The following MOV10 variants were observed in gnomAD, a reference collection of about 807,000 sequenced individuals.
MOV10 encodes Mov10 RNA helicase.
In MOV10, 39 loss-of-function variants were observed where a neutral mutation model predicts 108.4. The ratio of observed to expected loss-of-function variants is 0.36; its 90% CI spans 0.28 to 0.47. MOV10 has a LOEUF of 0.47. MOV10 is among the 20% of genes least tolerant of loss of function. The pLI is 1.00. For missense variants in MOV10, 952 were observed against 1,297.6 expected (o/e 0.73, Z 4.09); for synonymous variants, 490 against 523.1 (o/e 0.94, Z 0.86).
In MOV10 at chr1:112,689,100, ACAC is replaced by A. The variant is rs761415031; in HGVS notation, c.307_309del (p.His103del). ...TGAAGCTGGGGTCAGATATCAGCAAACACCACAAGTCACTGCTAGCCAAGATCT... is the reference window on the plus strand; with the variant it reads ...TGAAGCTGGGGTCAGATATCAGCAAACACAAGTCACTGCTAGCCAAGATCT... On this transcript the variant is annotated inframe_deletion, in exon 3 of 21. Coordinates refer to ENST00000369645, the MANE Select transcript of MOV10 (RefSeq NM_001321324.2). 4 of 1,611,328 alleles carry A rather than the reference ACAC, an allele frequency of 2.5e-6. No homozygotes were observed. The East Asian group carries it at 6.7e-5, about 27-fold the overall frequency.
chr1:112,691,123 A>C (rs1256182874), intron 5 of MOV10, among the ~76,000 whole-genome samples: 8 of 152,128 alleles, frequency 5.3e-5, no homozygotes, highest in South Asian at 4.2e-4. Flanking sequence ...TACTAAAAAT[A>C]CAAAAAAATT....
At position 112,675,352 on chromosome 1, in the gene MOV10, T is replaced by G. The variant is rs972005071; in HGVS notation, c.137+303T>G. On this transcript the variant is annotated intron_variant, in intron 2 of 20. Transcript: ENST00000369645. The surrounding 1 kb of genome is among the most constrained non-coding windows in gnomAD (Gnocchi z 4.7). ...GGCCGGGAGCTGCGTCCCGCGTCCA[T>G]GCGCCGCTCGCGGGGGCTGAGGGAC... Among the ~76,000 whole-genome samples the G allele has an allele frequency of 1.3e-5, 2 of 151,994 alleles. No individual in the cohort carries two copies. The highest frequency in any genetic ancestry group is 4.8e-5 in the African/African-American group (2 of 41,420).
rs768104788 is a variant in MOV10, at chr1:112,694,106, C to T, written c.1229C>T (p.Pro410Leu). The T allele has an allele frequency of 1.9e-6, 3 of 1,614,026 alleles. No homozygotes were observed. The highest frequency in any genetic ancestry group is 2.5e-6 in the Non-Finnish European group (3 of 1,179,974). ...LLSSETHQED[P>L]ITYKGFVHKV... ...TCCTCGGAGACACACCAGGAGGACC[C>T]CATCACATATAAGGGCTTTGTGCAC... The change falls in exon 8 of 21, where the codon CCC becomes CTC. Residue 410 changes from proline to leucine, a missense_variant. Around this residue, in one of 5 missense-constraint regions of MOV10, gnomAD observed 453 missense variants for 611.5 expected, o/e 0.74. Coordinates refer to ENST00000369645, the MANE Select transcript of MOV10 (RefSeq NM_001321324.2). The surrounding 1 kb of genome is among the most constrained non-coding windows in gnomAD (Gnocchi z 4.1).
Position 112,674,845 on chromosome 1 carries a change from C to T in MOV10, c.-65-3C>T. The T allele has an allele frequency of 2.7e-6, 4 of 1,485,486 alleles. No homozygotes were observed. Among genetic ancestry groups the T allele is most frequent in the Middle Eastern group, 4.1e-4 (2 of 4,890 alleles). The allele number at this position is 1,485,486 out of a possible 1,614,324, so 92.0% of individuals were successfully genotyped here. A position where few individuals can be genotyped will look rare whatever the true frequency, so the allele number is the denominator to read the frequency against. ...CCCTCATCTCAGGGCCGCCAACTTC[C>T]AGCTGCAGCGGCGACTTTCAGTTTC... On this transcript the variant is annotated splice_region_variant and splice_polypyrimidine_tract_variant and intron_variant, in intron 1 of 20. Coordinates refer to ENST00000369645, the MANE Select transcript of MOV10 (RefSeq NM_001321324.2).
Position 112,690,113 on chromosome 1 carries a change from C to T in MOV10, c.836+15C>T, listed in dbSNP as rs764279927. 2 of 1,610,414 alleles carry T rather than the reference C, an allele frequency of 1.2e-6. No individual in the cohort carries two copies. Among genetic ancestry groups the T allele is most frequent in the African/African-American group, 2.7e-5 (2 of 74,874 alleles). ...AGACCTGACCGGTAACTCCTCCCTC[C>T]AACTCAGCCCTGGCTGGGCTCGTAT... On this transcript the variant is annotated intron_variant, in intron 5 of 20. Coordinates refer to ENST00000369645, the MANE Select transcript of MOV10 (RefSeq NM_001321324.2).
chr1:112,685,037 A>C (rs992805117), intron 2 of MOV10: 1 of 152,038 alleles, frequency 6.6e-6, no homozygotes, highest in Non-Finnish European at 1.5e-5. Flanking sequence ...TTTTTTAGAG[A>C]CAGGGTTACC....
chr1:112,688,517 G>A (rs1037597886), intron 2 of MOV10: 2 of 1,088,392 alleles, frequency 1.8e-6, no homozygotes, highest in African/African-American at 3.3e-5. Context: ...CCACCCCTCT[G>A]AATCAAATCA....
chr1:112,697,198 G>A (rs1674183422), intron 14 of MOV10, among the ~76,000 whole-genome samples: 1 of 152,142 alleles, frequency 6.6e-6, no homozygotes, highest in South Asian at 2.1e-4. Context: ...GCTCATGGCT[G>A]TAATCCCAGC....
rs1455345940 is a variant in MOV10, at chr1:112,681,991, A to C, written c.137+6942A>C. The stretch of plus-strand genomic sequence containing the variant: ...GCTCACTGCAACCTCCGCCTCTGGG[A>C]TTCAAGCAATTCTCCTGCCTCAGCC... On this transcript the variant is annotated intron_variant, in intron 2 of 20. Coordinates refer to ENST00000369645, the MANE Select transcript of MOV10 (RefSeq NM_001321324.2). 3.3e-5 allele frequency among the ~76,000 whole-genome samples: 5 copies of C among 149,628 alleles called. No homozygotes were observed. In the Admixed American group the frequency reaches 3.4e-4, roughly 10 times the overall value.
In MOV10 at chr1:112,675,413, G is replaced by T. The variant is rs2101223094; in HGVS notation, c.137+364G>T. 6.6e-6 allele frequency among the ~76,000 whole-genome samples: 1 copy of T among 152,338 alleles called. No individual in the cohort carries two copies. Among genetic ancestry groups the T allele is most frequent in the South Asian group, 2.1e-4 (1 of 4,826 alleles). ...GTGGGGGAGGGGAGCCTCCAGAGGG[G>T]GCCCAGGCATCGCGGGAGCGCGGGT... On this transcript the variant is annotated intron_variant, in intron 2 of 20. Transcript: ENST00000369645. This position sits in a 1 kb window ranked among gnomAD's most constrained non-coding sequence, Gnocchi z 4.7.
intron 2 of MOV10, among the ~76,000 whole-genome samples, chr1:112,685,658 A>AAATAG (rs1673017587): frequency 7.2e-6 from 1 of 139,754 alleles, no homozygotes; most frequent in South Asian, 2.1e-4. Flanking sequence ...CGTCTCAATA[A>AAATAG]AATAAAATAA....
chr1:112,696,891 C>T (rs1451958007), intron 14 of MOV10, 45 bp downstream of exon 14: 2 of 1,475,280 alleles, frequency 1.4e-6, no homozygotes, highest in Non-Finnish European at 1.9e-6. Flanking sequence ...TATGCTTTCA[C>T]ATCCTGCATG....
chr1:112,691,345 ATATATG>A (rs1487498423), intron 5 of MOV10, among the ~76,000 whole-genome samples: 1 of 152,178 alleles, frequency 6.6e-6, no homozygotes, highest in African/African-American at 2.4e-5. Context: ...TTTGTTGACT[ATATATG>A]TATAACAGAA....
intron 16 of MOV10, 69 bp downstream of exon 16, chr1:112,698,547 A>G: frequency 5.8e-6 from 9 of 1,538,916 alleles, no homozygotes; most frequent in Non-Finnish European, 8.0e-6. Context: ...TATCCAGACC[A>G]CTAGGCAGAG....
chr1:112,687,329 G>A (rs758658225), intron 2 of MOV10, among the ~76,000 whole-genome samples: 1 of 152,148 alleles, frequency 6.6e-6, no homozygotes, highest in Non-Finnish European at 1.5e-5. Context: ...CAGGCAGCAG[G>A]CACCTGAAAA....
At chr1:112,688,674 C>G in intron 2 of MOV10, 2 of 1,368,740 alleles carry the variant, frequency 1.5e-6, no homozygotes, top group Non-Finnish European at 1.9e-6. Flanking sequence ...TTGGGCTTTT[C>G]CCCTCAGAAA....
At chr1:112,689,725 ACT>A (rs1303932258) in intron 4 of MOV10, 75 bp downstream of exon 4, 1 of 1,583,728 alleles carries the variant, frequency 6.3e-7, no homozygotes, top group Non-Finnish European at 8.6e-7. Flanking sequence ...TGGGAAACAC[ACT>A]GTCACTGTCC....
rs561934206 is a variant in MOV10, at chr1:112,675,296, G to A, written c.137+247G>A. 7.2e-5 allele frequency among the ~76,000 whole-genome samples: 11 copies of A among 152,118 alleles called. No individual in the cohort carries two copies. Among genetic ancestry groups the A allele is most frequent in the African/African-American group, 2.6e-4 (11 of 41,526 alleles). ...CAAGTCGCCGCGGAGAGCCTCCCGC[G>A]CTGCCCGCGCCCCCGGAGGCCGGAA... is the stretch of plus-strand genomic sequence containing the variant. On this transcript the variant is annotated intron_variant, in intron 2 of 20. Transcript: ENST00000369645. The surrounding 1 kb of genome is among the most constrained non-coding windows in gnomAD (Gnocchi z 4.7).
chr1:112,687,919 C>T (rs984947169), intron 2 of MOV10, among the ~76,000 whole-genome samples: 1 of 152,274 alleles, frequency 6.6e-6, no homozygotes, highest in Non-Finnish European at 1.5e-5. Flanking sequence ...CCTCCCTGCA[C>T]ATGTTCTTGC....
Sources: allele counts gnomAD v4.1 joint callset (sites outside exome capture counted in the v4.1 genomes callset), GRCh38; gene constraint gnomAD v4.1.1; regional missense constraint gnomAD v4.1.1; non-coding constraint Gnocchi (gnomAD v3.1); transcripts MANE v1.5; gene names NCBI Gene and HGNC (gene_info 2026-07-23, HGNC 2026-07-21).